ARPIN: variants seen among roughly 807,000 people sequenced by gnomAD.
ARPIN encodes UPF0552 protein C15orf38.
A neutral mutation model predicts 25.9 loss-of-function variants in ARPIN; 23 were observed. That is an observed-to-expected ratio of 0.89 (90% CI 0.64 to 1.26). ARPIN has a LOEUF of 1.26. ARPIN is among the 50% of genes most tolerant of loss of function. ARPIN has a pLI of 0.00. For missense variants in ARPIN, 333 were observed against 312.2 expected (o/e 1.07, Z -0.50); for synonymous variants, 126 against 131.4 (o/e 0.96, Z 0.28).
At chr15:89,903,141 T>C (rs2141919137) in intron 5 of ARPIN, 75 bp downstream of exon 5, 2 of 1,613,908 alleles carry the variant, frequency 1.2e-6, no homozygotes, top group Non-Finnish European at 1.7e-6. Context: ...CGTCTTCTCA[T>C]CCTACCCACA....
In ARPIN at chr15:89,903,212, C is replaced by CT. The variant is rs1321195651; in HGVS notation, c.672+3dup. The CT allele has an allele frequency of 2.5e-6, 4 of 1,614,198 alleles. No individual in the cohort carries two copies. In the South Asian group the frequency reaches 4.4e-5, roughly 18 times the overall value. Reference sequence around the variant, plus strand: ...ATACAACTGCACCAACACCAGGTACCTACCCACTCCTCGTCCTCTGCCCCA... The same window carrying CT: ...ATACAACTGCACCAACACCAGGTACCTTACCCACTCCTCGTCCTCTGCCCCA... On this transcript the variant is annotated splice_donor_region_variant and intron_variant, in intron 5 of 5. Coordinates refer to ENST00000357484, the MANE Select transcript of ARPIN (RefSeq NM_182616.4).
In ARPIN at chr15:89,901,805, T is replaced by C. The variant is rs1173103539; in HGVS notation, c.673-2A>G. 1.9e-6 allele frequency: 3 copies of C among 1,613,940 alleles called. No individual in the cohort carries two copies. The highest frequency in any genetic ancestry group is 2.2e-5 in the East Asian group (1 of 44,876). ...AGGCAGCCACGTCCCTCAGTCATCC[T>C]AGAGAAATCCAAGGGGTAAAGAGAT... On this transcript the variant is annotated splice_acceptor_variant, in intron 5 of 5. Coordinates refer to ENST00000357484, the MANE Select transcript of ARPIN (RefSeq NM_182616.4). LOFTEE classifies it high-confidence loss of function.
rs553430611 is a variant in ARPIN at position 89,910,909 on chromosome 15, G to C, written c.93-90C>G. The C allele has an allele frequency of 1.5e-3, 1,728 of 1,190,516 alleles. 24 individuals carry two copies. In the African/African-American group the frequency reaches 0.028, roughly 19 times the overall value. 73.7% of individuals were successfully genotyped at this position (1,190,516 alleles called of 1,614,324 possible). On this transcript the variant is annotated intron_variant, in intron 1 of 5. Transcript: ENST00000357484. ...CTCCTATTTACCCAGCCCTGAGAAGGCTGGGTACTGAGCAGCTCCTTTCCC... is the reference window on the plus strand; with the variant it reads ...CTCCTATTTACCCAGCCCTGAGAAGCCTGGGTACTGAGCAGCTCCTTTCCC...
chr15:89,912,921 A>T lies in ARPIN; in HGVS notation c.-86T>A, dbSNP rs568886297. ...GGGAAGTGCTGCAGGACGCGCGGGG[A>T]CCCGCGATTCCCAGCCGGCGGATCC... On this transcript the variant is annotated 5_prime_UTR_variant, in exon 1 of 6. Transcript: ENST00000357484. The T allele has an allele frequency of 1.7e-5, 24 of 1,400,742 alleles. No homozygotes were observed. In the East Asian group the frequency reaches 5.7e-4, roughly 33 times the overall value. 86.8% of individuals were successfully genotyped at this position (1,400,742 alleles called of 1,614,324 possible).
rs1436070637 is a variant in ARPIN at position 89,896,159 on chromosome 15, G to T, written c.*5636C>A. The T allele has an allele frequency of 6.6e-6, 1 of 152,182 alleles. No homozygotes were observed. Among genetic ancestry groups the T allele is most frequent in the African/African-American group, 2.4e-5 (1 of 41,440 alleles). 9.4% of individuals were successfully genotyped at this position (152,182 alleles called of 1,614,324 possible). Reference sequence around the variant, plus strand: ...CCATCTCAGTCTCCCGAAGTGCTGGGATTACAGGCGTGAGCCACTGCGCCC... The same window carrying T: ...CCATCTCAGTCTCCCGAAGTGCTGGTATTACAGGCGTGAGCCACTGCGCCC... On this transcript the variant is annotated 3_prime_UTR_variant, in exon 6 of 6. Transcript: ENST00000357484.
chr15:89,912,413 C>T, intron 1 of ARPIN: 1 of 1,135,228 alleles, frequency 8.8e-7, no homozygotes. Flanking sequence ...CGGCAAGTAG[C>T]TGGAGTTTAT....
chr15:89,902,897 T>C, intron 5 of ARPIN: 2 of 1,277,438 alleles, frequency 1.6e-6, no homozygotes, highest in Non-Finnish European at 2.0e-6. Flanking sequence ...GCATGGTTAA[T>C]GTATTCACTT....
At chr15:89,908,865 C>T (rs759135848) in intron 2 of ARPIN, among the ~76,000 whole-genome samples, 1 of 152,042 alleles carries the variant, frequency 6.6e-6, no homozygotes, top group Non-Finnish European at 1.5e-5. Context: ...TGCCTGTAAT[C>T]CCAGCTATTC....
chr15:89,902,547 TA>T (rs1433480661), intron 5 of ARPIN, among the ~76,000 whole-genome samples: 1 of 150,222 alleles, frequency 6.7e-6, no homozygotes, highest in Non-Finnish European at 1.5e-5. Flanking sequence ...CTACAAAAAA[TA>T]AAAAAATTAG....
intron 2 of ARPIN, among the ~76,000 whole-genome samples, chr15:89,908,798 A>C (rs765773538): frequency 6.6e-6 from 1 of 152,100 alleles, no homozygotes; most frequent in East Asian, 1.9e-4. Context: ...CCTGGCCAGC[A>C]TGGTGAAACC....
At position 89,908,276 on chromosome 15, in the gene ARPIN, C is replaced by G; in HGVS notation, c.301+4G>C. 1 of 1,614,084 alleles carries G rather than the reference C, an allele frequency of 6.2e-7. No homozygotes were observed. Among genetic ancestry groups the G allele is most frequent in the South Asian group, 1.1e-5 (1 of 91,084 alleles). ...GGGAGAGAGGGAGGGCAGAGGATACCTACTGTAGGACGACATGAGGAAGCC... is the reference window on the plus strand; with the variant it reads ...GGGAGAGAGGGAGGGCAGAGGATACGTACTGTAGGACGACATGAGGAAGCC... On this transcript the variant is annotated splice_donor_region_variant and intron_variant, in intron 3 of 5. Coordinates refer to ENST00000357484, the MANE Select transcript of ARPIN (RefSeq NM_182616.4).
chr15:89,902,357 G>A (rs1897036682), intron 5 of ARPIN, among the ~76,000 whole-genome samples: 1 of 152,100 alleles, frequency 6.6e-6, no homozygotes, highest in South Asian at 2.1e-4. Flanking sequence ...GCAGTGACCT[G>A]AGATGGCGCC....
rs1897020789 is a variant in ARPIN at position 89,901,540 on chromosome 15, T to A, written c.*255A>T. 1.9e-6 allele frequency: 1 copy of A among 536,554 alleles called. No individual in the cohort carries two copies. Among genetic ancestry groups the A allele is most frequent in the South Asian group, 2.4e-5 (1 of 42,196 alleles). The allele number at this position is 536,554 out of a possible 1,614,324, so 33.2% of individuals were successfully genotyped here. On this transcript the variant is annotated 3_prime_UTR_variant, in exon 6 of 6. Transcript: ENST00000357484. ...AATTTTTTTTTAAAGGGTCATCATG[T>A]AATGTCTAGGAAGGCTAGACTCACA...
rs541731338 is a variant in ARPIN at position 89,899,734 on chromosome 15, G to C, written c.*2061C>G. 6.6e-6 allele frequency: 1 copy of C among 152,458 alleles called. No homozygotes were observed. The highest frequency in any genetic ancestry group is 1.5e-5 in the Non-Finnish European group (1 of 68,196). 9.4% of individuals were successfully genotyped at this position (152,458 alleles called of 1,614,324 possible). A position where few individuals can be genotyped will look rare whatever the true frequency, so the allele number is the denominator to read the frequency against. On this transcript the variant is annotated 3_prime_UTR_variant, in exon 6 of 6. Transcript: ENST00000357484. ...AGGAGCAACTCGCCTCCAGCTGCTCGGCAGTCAAGTGACCTTTGAAACACA... is the reference window on the plus strand; with the variant it reads ...AGGAGCAACTCGCCTCCAGCTGCTCCGCAGTCAAGTGACCTTTGAAACACA...
At chr15:89,912,624 A>C (rs909320298) in intron 1 of ARPIN, 120 bp downstream of exon 1, 2 of 1,347,654 alleles carry the variant, frequency 1.5e-6, no homozygotes, top group African/African-American at 3.1e-5. Context: ...CTGAAGGCGG[A>C]GAGGCGGCTT....
Position 89,903,776 on chromosome 15 carries a change from C to T in ARPIN, c.508+1G>A, listed in dbSNP as rs768010613. ...GCCACAGTGAGGGTTGCATTGCTCA[C>T]CCAGGAAGGGACCATCGCCCCGAGT... On this transcript the variant is annotated splice_donor_variant, in intron 4 of 5. Coordinates refer to ENST00000357484, the MANE Select transcript of ARPIN (RefSeq NM_182616.4). LOFTEE classifies it high-confidence loss of function. 1.2e-6 allele frequency: 2 copies of T among 1,613,988 alleles called. No individual in the cohort carries two copies. The highest frequency in any genetic ancestry group is 1.7e-6 in the Non-Finnish European group (2 of 1,179,994).
chr15:89,907,906 AC>A (rs1308282429), intron 3 of ARPIN, among the ~76,000 whole-genome samples: 1 of 152,270 alleles, frequency 6.6e-6, no homozygotes, highest in Non-Finnish European at 1.5e-5. Context: ...GTTATATAGC[AC>A]GCACGGACTG....
rs1897212083 is a variant in ARPIN, at chr15:89,910,899, C to T, written c.93-80G>A. 8.9e-6 allele frequency: 11 copies of T among 1,241,644 alleles called. No homozygotes were observed. In the Admixed American group the frequency reaches 2.3e-4, roughly 26 times the overall value. 76.9% of individuals were successfully genotyped at this position (1,241,644 alleles called of 1,614,324 possible). ...TCACCCGTGTCTCCTATTTACCCAG[C>T]CCTGAGAAGGCTGGGTACTGAGCAG... is the stretch of plus-strand genomic sequence containing the variant. On this transcript the variant is annotated intron_variant, in intron 1 of 5. Transcript: ENST00000357484.
chr15:89,910,475 C>T (rs1026214162), intron 2 of ARPIN, among the ~76,000 whole-genome samples: 2 of 152,136 alleles, frequency 1.3e-5, no homozygotes, highest in Non-Finnish European at 2.9e-5. Context: ...GGGTTTAGGG[C>T]CTGGTCTGCC....
Sources: allele counts gnomAD v4.1 joint callset (sites outside exome capture counted in the v4.1 genomes callset), GRCh38; gene constraint gnomAD v4.1.1; transcripts MANE v1.5; gene names NCBI Gene and HGNC (gene_info 2026-07-23, HGNC 2026-07-21).